The following CSMD3 variants were observed in gnomAD, a reference collection of about 807,000 sequenced individuals.
The protein encoded by CSMD3 is CUB and sushi domain-containing protein 3.
CSMD3 carries 177 observed loss-of-function variants against 435.2 expected under a neutral mutation model. That is an observed-to-expected ratio of 0.41 (90% confidence interval 0.36 to 0.46). The LOEUF (loss-of-function observed/expected upper bound fraction) is 0.46. CSMD3 is among the 20% of genes least tolerant of loss of function. CSMD3 has a pLI of 0.34. For missense variants in CSMD3, 4,265 were observed against 4,504.6 expected, an observed-to-expected ratio of 0.95 and a Z score of 1.52; for synonymous variants, 1,656 against 1,520.5, an observed-to-expected ratio of 1.09 and a Z score of -2.07.
At chr8:113,119,968 T>C (rs1299346406) in intron 4 of CSMD3, among the ~76,000 whole-genome samples, 10 of 110,956 alleles carry the variant, frequency 9.0e-5, no homozygotes, top group Non-Finnish European at 1.8e-5. Context: ...AATTTATTTA[T>C]TTAATAATCC....
intron 18 of CSMD3, among the ~76,000 whole-genome samples, chr8:112,655,305 A>C (rs1450837846): frequency 1.3e-5 from 2 of 152,072 alleles, no homozygotes; most frequent in Non-Finnish European, 2.9e-5. Flanking sequence ...ATTTGAAATA[A>C]AGACATATTT....
At chr8:112,936,928 T>C (rs2083297100) in intron 9 of CSMD3, among the ~76,000 whole-genome samples, 1 of 152,106 alleles carries the variant, frequency 6.6e-6, no homozygotes, top group South Asian at 2.1e-4. Context: ...GTAGCCTCAA[T>C]TGTCTTTTTA....
At chr8:112,857,502 C>T (rs991051171) in intron 11 of CSMD3, among the ~76,000 whole-genome samples, 1 of 151,674 alleles carries the variant, frequency 6.6e-6, no homozygotes, top group African/African-American at 2.4e-5. Flanking sequence ...ATATCTCCAT[C>T]TCAATGCAAG....
At chr8:113,027,624 A>T (rs1313814999) in intron 5 of CSMD3, among the ~76,000 whole-genome samples, 2 of 152,152 alleles carry the variant, frequency 1.3e-5, no homozygotes, top group Non-Finnish European at 2.9e-5. Flanking sequence ...GTATTGTGTT[A>T]GGCAGTCCAC....
chr8:113,301,228 C>T (rs1048224526), intron 2 of CSMD3, among the ~76,000 whole-genome samples: 2 of 151,906 alleles, frequency 1.3e-5, no homozygotes, highest in Non-Finnish European at 2.9e-5. Flanking sequence ...TAGTGGTAGG[C>T]TTATTGGTGC....
At chr8:112,998,635 A>G (rs2085743459) in intron 6 of CSMD3, among the ~76,000 whole-genome samples, 3 of 151,894 alleles carry the variant, frequency 2.0e-5, no homozygotes, top group African/African-American at 4.8e-5. Flanking sequence ...AAATTTCATC[A>G]CTGCAATAAC....
intron 5 of CSMD3, among the ~76,000 whole-genome samples, chr8:113,086,716 G>A (rs1379233386): frequency 6.6e-6 from 1 of 151,976 alleles, no homozygotes; most frequent in Non-Finnish European, 1.5e-5. Context: ...GAAAGAATAG[G>A]GGTTTATTTT....
chr8:112,626,745 A>G (rs1293518312), intron 22 of CSMD3, among the ~76,000 whole-genome samples: 3 of 152,138 alleles, frequency 2.0e-5, no homozygotes, highest in African/African-American at 7.2e-5. Flanking sequence ...CCAGTTATCT[A>G]CACTGCCAAA....
chr8:112,599,898 T>G, intron 22 of CSMD3, among the ~76,000 whole-genome samples: 2 of 141,352 alleles, frequency 1.4e-5, no homozygotes, highest in East Asian at 2.2e-4. Flanking sequence ...AGGGATAGCA[T>G]TGGGAGATAT....
intron 3 of CSMD3, among the ~76,000 whole-genome samples, chr8:113,228,568 T>C (rs1209327634): frequency 6.6e-6 from 1 of 151,374 alleles, no homozygotes; most frequent in Admixed American, 6.6e-5. Context: ...ATACATTTCA[T>C]TGAGCACTTT....
At chr8:112,509,952 C>T (rs1822930706) in intron 28 of CSMD3, among the ~76,000 whole-genome samples, 1 of 152,088 alleles carries the variant, frequency 6.6e-6, no homozygotes, top group African/African-American at 2.4e-5. Flanking sequence ...AGCCTAAATA[C>T]TCAACCTCAA....
chr8:112,669,314 A>G (rs1401105940), intron 16 of CSMD3, among the ~76,000 whole-genome samples: 1 of 152,162 alleles, frequency 6.6e-6, no homozygotes, highest in Non-Finnish European at 1.5e-5. Flanking sequence ...TACAGGCATG[A>G]GCCACTGTGC....
chr8:113,428,005 T>C (rs1277981474), intron 1 of CSMD3, among the ~76,000 whole-genome samples: 1 of 151,754 alleles, frequency 6.6e-6, no homozygotes, highest in Non-Finnish European at 1.5e-5. Context: ...TTACTTAATG[T>C]GCTAGTTTTA....
rs1380629058 is a variant in CSMD3 at position 113,005,551 on chromosome 8, G to A, written c.1030+13516C>T. ...TGTCATCTGTAAGTAATTTTTGAGA[G>A]TCACTGACATACCATTTAAAAGAGA... is the stretch of plus-strand genomic sequence containing the variant. On this transcript the variant is annotated intron_variant, in intron 6 of 70. Coordinates refer to ENST00000297405, the MANE Select transcript of CSMD3 (RefSeq NM_198123.2). Among the ~76,000 whole-genome samples, 5 of 151,718 alleles carry A rather than the reference G, an allele frequency of 3.3e-5. No individual in the cohort carries two copies. The East Asian group carries it at 9.7e-4, about 29-fold the overall frequency.
intron 3 of CSMD3, among the ~76,000 whole-genome samples, chr8:113,262,698 C>T (rs913776111): frequency 6.6e-6 from 1 of 151,934 alleles, no homozygotes. Flanking sequence ...GCCTCTAAAA[C>T]GTAAGAAAAT....
intron 27 of CSMD3, among the ~76,000 whole-genome samples, chr8:112,533,693 A>C (rs781778373): frequency 6.6e-6 from 1 of 152,092 alleles, no homozygotes; most frequent in Non-Finnish European, 1.5e-5. Context: ...ACACTCCACA[A>C]TCAGCAATAG....
At chr8:112,460,686 C>T (rs1232723279) in intron 32 of CSMD3, among the ~76,000 whole-genome samples, 1 of 152,012 alleles carries the variant, frequency 6.6e-6, no homozygotes, top group Non-Finnish European at 1.5e-5. Flanking sequence ...GATTGAAAAA[C>T]ATTTGTTATA....
chr8:112,364,216 T>A (rs933844849), intron 38 of CSMD3, among the ~76,000 whole-genome samples: 1 of 152,030 alleles, frequency 6.6e-6, no homozygotes, highest in Non-Finnish European at 1.5e-5. Context: ...ATTTTGAGAC[T>A]AATTTTATGC....
chr8:113,308,553 C>T (rs1031944544), intron 2 of CSMD3, among the ~76,000 whole-genome samples: 5 of 152,040 alleles, frequency 3.3e-5, no homozygotes, highest in Non-Finnish European at 5.9e-5. Context: ...CAGGCGTGAG[C>T]CACCGCGCCC....
Sources: allele counts gnomAD v4.1 joint callset (sites outside exome capture counted in the v4.1 genomes callset), GRCh38; gene constraint gnomAD v4.1.1; transcripts MANE v1.5; gene names NCBI Gene and HGNC (gene_info 2026-07-23, HGNC 2026-07-21).